The following PKD2 variants were observed in gnomAD, a reference collection of about 807,000 sequenced individuals.
The protein encoded by PKD2 is polycystin 2, transient receptor potential cation channel.
Under a neutral mutation model 105.9 loss-of-function variants are expected in PKD2, and 48 were observed. That is an observed-to-expected ratio of 0.45 (90% confidence interval 0.36 to 0.58). The LOEUF (loss-of-function observed/expected upper bound fraction) is 0.58, where lower values mean the gene tolerates loss of function less well. Ranked by LOEUF, PKD2 falls within the 20% of genes least tolerant of loss-of-function variation. The pLI, the probability that PKD2 is intolerant of heterozygous loss-of-function variation, is 0.00. For missense variants in PKD2, 1,078 were observed against 1,255.3 expected (o/e 0.86, Z 2.13); for synonymous variants, 464 against 481.1 (o/e 0.96, Z 0.46).
intron 7 of PKD2, among the ~76,000 whole-genome samples, chr4:88,052,415 T>A (rs1720145373): frequency 6.6e-6 from 1 of 152,110 alleles, no homozygotes; most frequent in Admixed American, 6.5e-5. Flanking sequence ...ACTACAGGCA[T>A]GTGCCACCAT....
At chr4:88,008,887 A>G (rs78313908) in intron 1 of PKD2, among the ~76,000 whole-genome samples, 1,545 of 152,266 alleles carry the variant, frequency 0.01, 30 homozygotes, top group African/African-American at 0.035. Flanking sequence ...GGTTGTTTTG[A>G]GGAGTGGGAG....
rs912607560 is a variant in PKD2, at chr4:88,046,824, A to G, written c.1502A>G (p.His501Arg). 3.1e-6 allele frequency: 5 copies of G among 1,611,984 alleles called. No individual in the cohort carries two copies. Among genetic ancestry groups the G allele is most frequent in the Admixed American group, 1.7e-5 (1 of 60,012 alleles). The change falls in exon 6 of 15, where the codon CAC (histidine) becomes CGC (arginine). Residue 501 changes from histidine to arginine, a missense_variant. Coordinates refer to ENST00000237596, the MANE Select transcript of PKD2 (RefSeq NM_000297.4). Reference protein sequence around the residue: ...EILEIRIHKLHYFRSFWNCLD... With the variant: ...EILEIRIHKLRYFRSFWNCLD... ...TTGGAAATTCGCATTCACAAACTACACTATTTCAGGAGTTTCTGGAATTGT... is the reference window on the plus strand; with the variant it reads ...TTGGAAATTCGCATTCACAAACTACGCTATTTCAGGAGTTTCTGGAATTGT...
At chr4:88,019,676 A>G in intron 2 of PKD2, 105 bp downstream of exon 2, 1 of 725,586 alleles carries the variant, frequency 1.4e-6, no homozygotes, top group Non-Finnish European at 2.5e-6. Flanking sequence ...GGCAACTGGG[A>G]AGTTACCTTC....
intron 4 of PKD2, among the ~76,000 whole-genome samples, chr4:88,042,385 C>A (rs1727598801): frequency 6.6e-6 from 1 of 152,178 alleles, no homozygotes; most frequent in Non-Finnish European, 1.5e-5. Context: ...GAAAGACCTG[C>A]CCCCATGATT....
chr4:88,026,764 A>AGGCCCC (rs1439164403), intron 2 of PKD2, among the ~76,000 whole-genome samples: 9 of 152,342 alleles, frequency 5.9e-5, no homozygotes, highest in African/African-American at 2.2e-4. Context: ...GCCCAGGCCC[A>AGGCCCC]GGCCCCAGCT....
rs964965348 is a variant in PKD2, at chr4:88,077,618, A to G, written c.*1924A>G. ...TTACATATATTTTTCTTCTTTAGTCATGGAGAACTCCCCCCCTCATCTCTT... is the reference window on the plus strand; with the variant it reads ...TTACATATATTTTTCTTCTTTAGTCGTGGAGAACTCCCCCCCTCATCTCTT... On this transcript the variant is annotated 3_prime_UTR_variant, in exon 15 of 15. Coordinates refer to ENST00000237596, the MANE Select transcript of PKD2 (RefSeq NM_000297.4). 6 of 152,400 alleles carry G rather than the reference A, an allele frequency of 3.9e-5. No homozygotes were observed. Among genetic ancestry groups the G allele is most frequent in the African/African-American group, 1.4e-4 (6 of 41,436 alleles). 9.4% of individuals were successfully genotyped at this position (152,400 alleles called of 1,614,324 possible).
chr4:88,050,541 G>A (rs2110120290), intron 6 of PKD2, among the ~76,000 whole-genome samples: 1 of 152,288 alleles, frequency 6.6e-6, no homozygotes, highest in East Asian at 1.9e-4. Context: ...CATTGATGTT[G>A]TATAAATGAC....
intron 4 of PKD2, among the ~76,000 whole-genome samples, chr4:88,039,664 C>CAAAAAA (rs368041376): frequency 1.0e-5 from 1 of 97,562 alleles, no homozygotes; most frequent in Non-Finnish European, 2.2e-5. Context: ...GACTCCCCCT[C>CAAAAAA]AAAAAAAAAA....
Position 88,067,883 on chromosome 4 carries a change from C to T in PKD2, c.2359-15C>T, listed in dbSNP as rs373113234. ...CAGTGTTCTGCTCCTCACTCAGTGA[C>T]CCCTTGTTCTTCAGGAGGACCTGGA... On this transcript the variant is annotated splice_polypyrimidine_tract_variant and intron_variant, in intron 12 of 14. Coordinates refer to ENST00000237596, the MANE Select transcript of PKD2 (RefSeq NM_000297.4). 2 of 1,612,256 alleles carry T rather than the reference C, an allele frequency of 1.2e-6. No individual in the cohort carries two copies. The highest frequency in any genetic ancestry group is 1.3e-5 in the African/African-American group (1 of 74,868).
chr4:88,061,031 C>G (rs1374724151), intron 9 of PKD2, among the ~76,000 whole-genome samples: 1 of 152,240 alleles, frequency 6.6e-6, no homozygotes, highest in Non-Finnish European at 1.5e-5. Flanking sequence ...AAGTCTATCT[C>G]TCTTCCAGAA....
intron 6 of PKD2, among the ~76,000 whole-genome samples, chr4:88,048,222 C>G (rs931782265): frequency 6.6e-6 from 1 of 152,202 alleles, no homozygotes; most frequent in Admixed American, 6.5e-5. Context: ...AAATGATGCA[C>G]TACCCTATTA....
chr4:88,061,109 T>C (rs1284247148), intron 9 of PKD2, among the ~76,000 whole-genome samples: 1 of 152,122 alleles, frequency 6.6e-6, no homozygotes, highest in African/African-American at 2.4e-5. Flanking sequence ...TTAAACTCTT[T>C]AAAAATGTGT....
intron 1 of PKD2, among the ~76,000 whole-genome samples, chr4:88,012,213 A>G (rs1489038658): frequency 2.0e-5 from 3 of 152,166 alleles, no homozygotes; most frequent in African/African-American, 7.2e-5. Flanking sequence ...TTTTATCCTC[A>G]CAACAACCTG....
Position 88,008,182 on chromosome 4 carries a change from C to G in PKD2, c.449C>G (p.Pro150Arg). 2 of 1,375,478 alleles carry G rather than the reference C, an allele frequency of 1.5e-6. No homozygotes were observed. The highest frequency in any genetic ancestry group is 1.9e-6 in the Non-Finnish European group (2 of 1,072,998). The allele number at this position is 1,375,478 out of a possible 1,614,324, so 85.2% of individuals were successfully genotyped here. ...GGGGGCTACCACGGCGCGGGCCACC[C>G]GAGCGGGAGGCGGCGCCGGCGAGAG... The part of the protein sequence containing the change: ...GLGGYHGAGH[P>R]SGRRRRREDQ... Residue 150 changes from proline (P) to arginine (R), a missense_variant, in exon 1 of 15, where the codon CCG (proline) becomes CGG (arginine). Physicochemically the swap from Pro to Arg is moderately radical, Grantham distance 103. This residue lies in a region of PKD2 where 868 missense variants were observed against 1,067.3 expected (regional missense o/e 0.81). Transcript: ENST00000237596.
intron 1 of PKD2, among the ~76,000 whole-genome samples, chr4:88,014,333 C>T (rs1455925252): frequency 6.6e-6 from 1 of 152,044 alleles, no homozygotes; most frequent in African/African-American, 2.4e-5. Flanking sequence ...TACTTGTCTG[C>T]ACCTCAGGAG....
At chr4:88,018,448 G>T (rs1324185249) in intron 1 of PKD2, among the ~76,000 whole-genome samples, 1 of 152,166 alleles carries the variant, frequency 6.6e-6, no homozygotes, top group East Asian at 1.9e-4. Flanking sequence ...AAGGAGTTAA[G>T]GTCTGTGGAA....
At chr4:88,057,892 C>A in intron 8 of PKD2, 91 bp from the exon 9 acceptor site, 1 of 1,064,630 alleles carries the variant, frequency 9.4e-7, no homozygotes, top group Non-Finnish European at 1.5e-6. Context: ...CTAAAAGGTC[C>A]AAAAATAATG....
rs1370917367 is a variant in PKD2, at chr4:88,046,835, A to G, written c.1513A>G (p.Ser505Gly). ...IRIHKLHYFRSFWNCLDVVIV... is the reference protein window; with the variant it reads ...IRIHKLHYFRGFWNCLDVVIV... ...CATTCACAAACTACACTATTTCAGG[A>G]GTTTCTGGAATTGTCTGGATGTTGT... Residue 505 changes from serine to glycine, a missense_variant, in exon 6 of 15, where the codon AGT becomes GGT. Ser to Gly is a moderately conservative substitution (Grantham distance 56, BLOSUM62 0). This residue lies in a region of PKD2 where 868 missense variants were observed against 1,067.3 expected (regional missense o/e 0.81). Transcript: ENST00000237596. 1 of 1,610,482 alleles carries G rather than the reference A, an allele frequency of 6.2e-7. No individual in the cohort carries two copies. The highest frequency in any genetic ancestry group is 2.2e-5 in the East Asian group (1 of 44,844).
chr4:88,042,501 T>C (rs1423614716), intron 4 of PKD2, among the ~76,000 whole-genome samples: 1 of 152,182 alleles, frequency 6.6e-6, no homozygotes, highest in Non-Finnish European at 1.5e-5. Context: ...ACCATTCACC[T>C]GTGCAAGTCC....
Sources: gnomAD v4.1 joint callset for allele counts (sites outside exome capture counted in the v4.1 genomes callset) on GRCh38, gnomAD v4.1.1 for gene constraint, gnomAD v4.1.1 regional missense constraint, MANE v1.5 for transcripts, NCBI Gene and HGNC (gene_info 2026-07-23, HGNC 2026-07-21) for gene names.